ZFPM2: variants seen among roughly 807,000 people sequenced by gnomAD.
The protein encoded by ZFPM2 is zinc finger protein ZFPM2.
In ZFPM2, 20 loss-of-function variants were observed where a neutral mutation model predicts 98.6. The observed-to-expected ratio is 0.20, with a 90% CI of 0.14 to 0.29. The LOEUF is 0.29. Among genes scored for constraint, ZFPM2 ranks in the 10% least tolerant of loss-of-function variants. The pLI is 1.00. For synonymous variants in ZFPM2, 518 were observed against 502.7 expected (o/e 1.03, Z -0.41); for missense variants, 1,310 against 1,388.6 (o/e 0.94, Z 0.90).
At chr8:105,354,185 A>C (rs1311595956) in intron 1 of ZFPM2, among the ~76,000 whole-genome samples, 1 of 152,234 alleles carries the variant, frequency 6.6e-6, no homozygotes, top group Admixed American at 6.5e-5. Context: ...AATTGTTAAA[A>C]TATTCAAATA....
intron 1 of ZFPM2, among the ~76,000 whole-genome samples, chr8:105,331,718 T>C (rs2129636241): frequency 6.6e-6 from 1 of 151,926 alleles, no homozygotes; most frequent in South Asian, 2.1e-4. Flanking sequence ...GAAATGGTTT[T>C]CATGAGCTTC....
intron 4 of ZFPM2, among the ~76,000 whole-genome samples, chr8:105,599,220 T>G (rs1266972528): frequency 6.6e-6 from 1 of 151,980 alleles, no homozygotes; most frequent in East Asian, 1.9e-4. Flanking sequence ...TCCGTGTCCT[T>G]TTGTGATTCA....
intron 4 of ZFPM2, among the ~76,000 whole-genome samples, chr8:105,584,434 T>C (rs1003070295): frequency 6.6e-6 from 1 of 152,130 alleles, no homozygotes; most frequent in Non-Finnish European, 1.5e-5. Flanking sequence ...CAAGAAAGGA[T>C]GAGTAGGGGG....
At chr8:105,556,958 A>C (rs2130685305) in intron 3 of ZFPM2, among the ~76,000 whole-genome samples, 1 of 152,200 alleles carries the variant, frequency 6.6e-6, no homozygotes, top group South Asian at 2.1e-4. Flanking sequence ...CCTGACCCTC[A>C]GGTGATCCAA....
rs558951950 is a variant in ZFPM2 at position 105,563,051 on chromosome 8, CCTT to C, written c.420+1573_420+1575del. ...TATAAGTATTTATTCCCCTGAAAGT[CCTT>C]CTCTCTAAATGCCATTTATGTAGGA... is the stretch of plus-strand genomic sequence containing the variant. On this transcript the variant is annotated intron_variant, in intron 4 of 7. Transcript: ENST00000407775. Among the ~76,000 whole-genome samples, 146 of 152,276 alleles carry C rather than the reference CCTT, an allele frequency of 9.6e-4. 1 individual carries two copies. Among genetic ancestry groups the C allele is most frequent in the Non-Finnish European group, 1.7e-3 (116 of 68,022 alleles).
intron 3 of ZFPM2, among the ~76,000 whole-genome samples, chr8:105,515,306 C>A (rs1280596339): frequency 6.6e-6 from 1 of 152,196 alleles, no homozygotes; most frequent in East Asian, 1.9e-4. Flanking sequence ...CGCTTTCCAT[C>A]CTCTCTTCAA....
At chr8:105,790,645 C>G (rs1181624832) in intron 6 of ZFPM2, among the ~76,000 whole-genome samples, 2 of 152,118 alleles carry the variant, frequency 1.3e-5, no homozygotes, top group Non-Finnish European at 2.9e-5. Context: ...TCATTGGTAG[C>G]TTGATGGGGA....
rs1196778649 is a variant in ZFPM2 at position 105,423,988 on chromosome 8, TA to T, written c.199+4693del. On this transcript the variant is annotated intron_variant, in intron 2 of 7. Coordinates refer to ENST00000407775, the MANE Select transcript of ZFPM2 (RefSeq NM_012082.4). The stretch of plus-strand genomic sequence containing the variant: ...GTTGCTAGTAGAATGTAATGCTATA[TA>T]AAAAAAGATAACTCAGGTGAGGGGG... 5.9e-5 allele frequency among the ~76,000 whole-genome samples: 9 copies of T among 152,050 alleles called. 1 individual carries two copies. Among genetic ancestry groups the T allele is most frequent in the Admixed American group, 5.2e-4 (8 of 15,268 alleles).
rs147562467 is a variant in ZFPM2, at chr8:105,524,501, T to TCA, written c.302-36846_302-36845dup. Among the ~76,000 whole-genome samples, 192 of 148,874 alleles carry TCA rather than the reference T, an allele frequency of 1.3e-3. 1 individual carries two copies. The highest frequency in any genetic ancestry group is 3.5e-3 in the Middle Eastern group (1 of 286). ...GTGTGTGTGTTTCTCTCTCTCTCTC[T>TCA]CACACACACACACACACTGAAACTA... is the stretch of plus-strand genomic sequence containing the variant. On this transcript the variant is annotated intron_variant, in intron 3 of 7. Transcript: ENST00000407775.
intron 4 of ZFPM2, among the ~76,000 whole-genome samples, chr8:105,569,667 G>T (rs1210736881): frequency 1.3e-5 from 2 of 152,128 alleles, no homozygotes; most frequent in Non-Finnish European, 2.9e-5. Flanking sequence ...GAGGTGTTGC[G>T]CCTAGTGAGG....
At chr8:105,546,067 G>A (rs757089449) in intron 3 of ZFPM2, among the ~76,000 whole-genome samples, 1 of 152,056 alleles carries the variant, frequency 6.6e-6, no homozygotes, top group African/African-American at 2.4e-5. Context: ...ATTACCTTTG[G>A]GGGTAGAATC....
At chr8:105,395,679 A>G (rs1201375020) in intron 1 of ZFPM2, among the ~76,000 whole-genome samples, 1 of 152,210 alleles carries the variant, frequency 6.6e-6, no homozygotes, top group Non-Finnish European at 1.5e-5. Flanking sequence ...TAATAAATTG[A>G]CATATTTTGA....
chr8:105,771,359 GAAA>G (rs1262473468), intron 5 of ZFPM2, among the ~76,000 whole-genome samples: 1 of 152,036 alleles, frequency 6.6e-6, no homozygotes, highest in Non-Finnish European at 1.5e-5. Flanking sequence ...AGGAATCTGT[GAAA>G]CAGTGAAAAG....
At chr8:105,770,090 G>T (rs532754783) in intron 5 of ZFPM2, among the ~76,000 whole-genome samples, 1 of 151,792 alleles carries the variant, frequency 6.6e-6, no homozygotes, top group Non-Finnish European at 1.5e-5. Context: ...ATAGCAGACT[G>T]ATCTTTTTAC....
At chr8:105,493,118 AAATTT>A (rs1381508122) in intron 3 of ZFPM2, among the ~76,000 whole-genome samples, 1 of 152,198 alleles carries the variant, frequency 6.6e-6, no homozygotes, top group Non-Finnish European at 1.5e-5. Context: ...GAAATGCTAT[AAATTT>A]AATTATTTTC....
intron 1 of ZFPM2, among the ~76,000 whole-genome samples, chr8:105,403,921 C>A (rs146612815): frequency 5.8e-4 from 88 of 151,836 alleles, no homozygotes; most frequent in African/African-American, 2.1e-3. Context: ...CCTGGCATTG[C>A]AAACGGAACA....
At chr8:105,502,428 G>A (rs1178815074) in intron 3 of ZFPM2, among the ~76,000 whole-genome samples, 2 of 152,028 alleles carry the variant, frequency 1.3e-5, no homozygotes, top group African/African-American at 2.4e-5. Flanking sequence ...GAGAACTTAA[G>A]GAGGTCAGGA....
Position 105,634,236 on chromosome 8 carries a change from C to A in ZFPM2, c.421-10C>A, listed in dbSNP as rs761799802. ...CAAATGGCATCTGTTTGTTATCATT[C>A]TTTCTACAGAAGACAAAGGCTCAGG... is the stretch of plus-strand genomic sequence containing the variant. On this transcript the variant is annotated splice_polypyrimidine_tract_variant and intron_variant, in intron 4 of 7. Transcript: ENST00000407775. 8 of 1,604,794 alleles carry A rather than the reference C, an allele frequency of 5.0e-6. No individual in the cohort carries two copies. The Admixed American group carries it at 1.2e-4, about 24-fold the overall frequency.
chr8:105,711,746 A>G (rs1811406605), intron 5 of ZFPM2, among the ~76,000 whole-genome samples: 1 of 152,024 alleles, frequency 6.6e-6, no homozygotes, highest in South Asian at 2.1e-4. Context: ...TGAAAATAGT[A>G]CATATGCTCC....
Sources: allele counts gnomAD v4.1 joint callset (sites outside exome capture counted in the v4.1 genomes callset), GRCh38; gene constraint gnomAD v4.1.1; transcripts MANE v1.5; gene names NCBI Gene and HGNC (gene_info 2026-07-23, HGNC 2026-07-21).